CASK: variants seen among roughly 807,000 people sequenced by gnomAD.
CASK encodes the protein calcium/calmodulin dependent serine protein kinase.
CASK carries 4 observed loss-of-function variants against 82.9 expected under a neutral mutation model. That is an observed-to-expected ratio of 0.05 (90% CI 0.02 to 0.11). CASK has a LOEUF of 0.11. CASK is among the 10% of genes least tolerant of loss of function. The probability of loss-of-function intolerance (pLI) is 1.00; values close to 1 mark genes in which losing one functional copy is unlikely to be tolerated. For synonymous variants in CASK, 259 were observed against 253.5 expected (o/e 1.02, Z -0.20); for missense variants, 358 against 720.9 (o/e 0.50, Z 5.76).
chrX:41,729,157 T>C lies in CASK; in HGVS notation c.429+10227A>G, dbSNP rs751018235. 2.4e-5 allele frequency: 3 copies of C among 123,523 alleles called. No homozygotes were observed. In the South Asian group the frequency reaches 1.1e-3, roughly 45 times the overall value. 10.2% of individuals were successfully genotyped at this position (123,523 alleles called of 1,213,427 possible). A position where few individuals can be genotyped will look rare whatever the true frequency, so the allele number is the denominator to read the frequency against. On this transcript the variant is annotated intron_variant, in intron 5 of 26. Transcript: ENST00000378163. ...GCAGTTAAGAGATTGATCTCTGAAG[T>C]TATACTTCTTGGGTTCAATCTGGCT...
chrX:41,647,808 CT>C (rs1342385727), intron 8 of CASK, among the ~76,000 whole-genome samples: 1 of 112,207 alleles, frequency 8.9e-6, no homozygotes, highest in African/African-American at 3.2e-5. Context: ...ACACTTATCA[CT>C]TCCCCAATCA....
At chrX:41,736,117 C>A (rs1336519759) in intron 5 of CASK, among the ~76,000 whole-genome samples, 2 of 111,934 alleles carry the variant, frequency 1.8e-5, no homozygotes, top group Non-Finnish European at 3.8e-5. Flanking sequence ...GAAAAATACA[C>A]CAACATTAAA....
intron 2 of CASK, among the ~76,000 whole-genome samples, chrX:41,841,314 T>A: frequency 9.0e-6 from 1 of 111,481 alleles, no homozygotes; most frequent in South Asian, 3.7e-4. Flanking sequence ...ACTGAATATC[T>A]TTTCATGTGT....
intron 2 of CASK, among the ~76,000 whole-genome samples, chrX:41,808,776 C>T (rs1204589515): frequency 5.3e-5 from 6 of 112,442 alleles, no homozygotes; most frequent in African/African-American, 3.2e-5. Flanking sequence ...GGCGAGACAT[C>T]GCCTCACCCG....
intron 5 of CASK, chrX:41,696,007 T>A: frequency 8.3e-7 from 1 of 1,210,590 alleles, no homozygotes; most frequent in Non-Finnish European, 1.1e-6. Flanking sequence ...CTAGGTGTGA[T>A]TCTGTGCAAG....
rs1238174728 is a variant in CASK, at chrX:41,770,250, TATCTATC to T, written c.278+16921_278+16927del. 1.0e-4 allele frequency among the ~76,000 whole-genome samples: 11 copies of T among 105,335 alleles called. No homozygotes were observed. In the East Asian group the frequency reaches 3.4e-3, roughly 32 times the overall value. The allele number at this position is 105,335 out of a possible 115,157, so 91.5% of individuals were successfully genotyped here. A position where few individuals can be genotyped will look rare whatever the true frequency, so the allele number is the denominator to read the frequency against. On this transcript the variant is annotated intron_variant, in intron 3 of 26. Coordinates refer to ENST00000378163, the MANE Select transcript of CASK (RefSeq NM_001367721.1). The stretch of plus-strand genomic sequence containing the variant: ...AAAGCCAAAAATAATACAATCTATC[TATCTATC>T]ATCTATCTATCTATCTATCTATCTA...
chrX:41,627,635 C>T (rs1368522196), intron 9 of CASK, among the ~76,000 whole-genome samples: 3 of 111,954 alleles, frequency 2.7e-5, no homozygotes, highest in Non-Finnish European at 5.6e-5. Context: ...TTAGTTCCCA[C>T]TTATAAGGGA....
chrX:41,688,983 A>C (rs2067493611), intron 5 of CASK: 1 of 110,735 alleles, frequency 9.0e-6, no homozygotes, highest in Non-Finnish European at 1.9e-5. Context: ...AACCAATTGC[A>C]CCACGACCGG....
At chrX:41,528,630 C>T (rs939692548) in intron 25 of CASK, among the ~76,000 whole-genome samples, 2 of 112,218 alleles carry the variant, frequency 1.8e-5, no homozygotes, top group African/African-American at 6.5e-5. Flanking sequence ...TAGCTCCTGA[C>T]CCTGTGCTTG....
At chrX:41,766,009 G>T (rs2069106460) in intron 3 of CASK, among the ~76,000 whole-genome samples, 1 of 112,016 alleles carries the variant, frequency 8.9e-6, no homozygotes, top group South Asian at 3.7e-4. Context: ...TTAATTTTGG[G>T]AAGAATTGGG....
chrX:41,540,558 C>T (rs990697961), intron 22 of CASK, among the ~76,000 whole-genome samples: 1 of 112,285 alleles, frequency 8.9e-6, no homozygotes, highest in Non-Finnish European at 1.9e-5. Context: ...TTTCAAGGCC[C>T]GTAGGAGCGA....
chrX:41,858,105 T>C (rs1011883641), intron 1 of CASK, among the ~76,000 whole-genome samples: 1 of 111,669 alleles, frequency 9.0e-6, no homozygotes, highest in Admixed American at 9.5e-5. Flanking sequence ...AAAACAAGAA[T>C]AGACCAATAA....
intron 2 of CASK, among the ~76,000 whole-genome samples, chrX:41,813,615 A>G (rs2070350570): frequency 8.9e-6 from 1 of 111,737 alleles, no homozygotes; most frequent in Admixed American, 9.5e-5. Flanking sequence ...AGACTTAAAT[A>G]TTAGACCTAA....
At chrX:41,573,548 A>G (rs1486137816) in intron 15 of CASK, among the ~76,000 whole-genome samples, 4 of 110,629 alleles carry the variant, frequency 3.6e-5, no homozygotes, top group African/African-American at 1.3e-4. Flanking sequence ...GATAGTTTTT[A>G]TTGCTCTGTC....
chrX:41,600,715 A>T (rs1314671219), intron 12 of CASK, among the ~76,000 whole-genome samples: 2 of 112,460 alleles, frequency 1.8e-5, no homozygotes, highest in Non-Finnish European at 3.8e-5. Flanking sequence ...CTTCACGAAG[A>T]TGTATAGCAT....
At chrX:41,818,259 T>C (rs2070453656) in intron 2 of CASK, among the ~76,000 whole-genome samples, 1 of 107,891 alleles carries the variant, frequency 9.3e-6, no homozygotes, top group Admixed American at 1.0e-4. Context: ...TGCAAACAAT[T>C]TTGATAAAGT....
chrX:41,915,911 C>T (rs1037389791), intron 1 of CASK, among the ~76,000 whole-genome samples: 3 of 111,674 alleles, frequency 2.7e-5, no homozygotes, highest in Non-Finnish European at 5.7e-5. Context: ...TGGCGTGAAC[C>T]TGGGAGGCGG....
chrX:41,684,673 T>G (rs1402282026), intron 5 of CASK, among the ~76,000 whole-genome samples: 1 of 110,845 alleles, frequency 9.0e-6, no homozygotes, highest in Non-Finnish European at 1.9e-5. Context: ...ATTTTTTGCA[T>G]TTTTGGTAGA....
chrX:41,733,990 G>C, intron 5 of CASK, among the ~76,000 whole-genome samples: 1 of 110,603 alleles, frequency 9.0e-6, no homozygotes, highest in Non-Finnish European at 1.9e-5. Context: ...ATAGGTAAAA[G>C]GAGAACTGAG....
Sources: gnomAD v4.1 joint callset for allele counts (sites outside exome capture counted in the v4.1 genomes callset) on GRCh38, gnomAD v4.1.1 for gene constraint, MANE v1.5 for transcripts, NCBI Gene and HGNC (gene_info 2026-07-23, HGNC 2026-07-21) for gene names.